Variants in ARHGAP26 observed in about 807,000 individuals in gnomAD.
The protein encoded by ARHGAP26 is rho GTPase-activating protein 26.
ARHGAP26 carries 38 observed loss-of-function variants against 104.8 expected under a neutral mutation model. The ratio of observed to expected loss-of-function variants is 0.36; its 90% CI spans 0.28 to 0.48. The LOEUF is 0.48. ARHGAP26 is among the 20% of genes least tolerant of loss of function. The probability of loss-of-function intolerance (pLI) is 0.99; values close to 1 mark genes in which losing one functional copy is unlikely to be tolerated. For missense variants in ARHGAP26, 704 were observed against 947.9 expected (o/e 0.74, Z 3.38); for synonymous variants, 341 against 340.0 (o/e 1.00, Z -0.03).
intron 12 of ARHGAP26, among the ~76,000 whole-genome samples, chr5:143,035,935 C>CAAAAAAA (rs10713064): frequency 3.8e-5 from 3 of 78,084 alleles, no homozygotes; most frequent in Non-Finnish European, 5.1e-5. Flanking sequence ...GACCTTGTCT[C>CAAAAAAA]AAAAAAAAAA....
intron 13 of ARHGAP26, among the ~76,000 whole-genome samples, chr5:143,038,853 G>A (rs1450314634): frequency 3.3e-5 from 5 of 151,668 alleles, no homozygotes; most frequent in Non-Finnish European, 5.9e-5. Flanking sequence ...ACACCACCAC[G>A]TCCAGCTAAT....
intron 11 of ARHGAP26, among the ~76,000 whole-genome samples, chr5:142,953,008 C>T (rs182799388): frequency 6.6e-6 from 1 of 152,252 alleles, no homozygotes; most frequent in East Asian, 1.9e-4. Flanking sequence ...AGCACCCGGC[C>T]CCAACTGTGC....
At chr5:143,103,001 G>T (rs927934899) in intron 17 of ARHGAP26, among the ~76,000 whole-genome samples, 1 of 151,968 alleles carries the variant, frequency 6.6e-6, no homozygotes, top group Non-Finnish European at 1.5e-5. Context: ...AGCTTCACAG[G>T]GGGGATCTGA....
intron 10 of ARHGAP26, chr5:142,919,199 C>T (rs907678839): frequency 2.5e-6 from 1 of 398,342 alleles, no homozygotes; most frequent in Non-Finnish European, 4.4e-6. Flanking sequence ...TTACCATTGT[C>T]CTTGTAAAAA....
Position 143,153,280 on chromosome 5 carries a change from G to A in ARHGAP26, c.1988+5899G>A, listed in dbSNP as rs145836777. 5.4e-4 allele frequency among the ~76,000 whole-genome samples: 82 copies of A among 152,266 alleles called. 1 individual carries two copies. Among genetic ancestry groups the A allele is most frequent in the African/African-American group, 1.9e-3 (81 of 41,550 alleles). ...GCAGGAAACCCTAGGTTTTAGTTCT[G>A]GCATCGACATTGCCTGGCTGATGAT... On this transcript the variant is annotated intron_variant, in intron 20 of 22. Transcript: ENST00000645722.
chr5:142,932,808 CT>C (rs1764907038), intron 11 of ARHGAP26, among the ~76,000 whole-genome samples: 1 of 152,196 alleles, frequency 6.6e-6, no homozygotes. Context: ...CTATAGAACT[CT>C]TTGCGTCAGG....
chr5:143,003,673 C>A (rs1422534667), intron 11 of ARHGAP26, among the ~76,000 whole-genome samples: 6 of 152,098 alleles, frequency 3.9e-5, no homozygotes, highest in Admixed American at 1.3e-4. Context: ...CTGCAGCCAT[C>A]AAGTAAGTTA....
At chr5:143,071,506 C>T (rs1011320179) in intron 17 of ARHGAP26, among the ~76,000 whole-genome samples, 1 of 152,170 alleles carries the variant, frequency 6.6e-6, no homozygotes, top group Non-Finnish European at 1.5e-5. Flanking sequence ...CAATGTAGGA[C>T]CCAAAACAAT....
intron 11 of ARHGAP26, chr5:142,969,463 T>C (rs900555882): frequency 2.0e-5 from 3 of 152,182 alleles, no homozygotes; most frequent in Non-Finnish European, 2.9e-5. Flanking sequence ...TCTTGGGAAA[T>C]TATTTCCTCC....
chr5:142,826,895 A>G (rs1767399550), intron 1 of ARHGAP26, among the ~76,000 whole-genome samples: 1 of 152,184 alleles, frequency 6.6e-6, no homozygotes, highest in South Asian at 2.1e-4. Context: ...AGGAAGCTTG[A>G]GCAAAAGCCA....
chr5:143,167,482 C>CAAAAAAAA lies in ARHGAP26; in HGVS notation c.1988+20130_1988+20137dup, dbSNP rs6149274. Among the ~76,000 whole-genome samples the CAAAAAAAA allele has an allele frequency of 2.5e-4, 15 of 60,086 alleles. 3 individuals carry two copies. Among genetic ancestry groups the CAAAAAAAA allele is most frequent in the East Asian group, 2.1e-3 (5 of 2,364 alleles). 39.4% of individuals were successfully genotyped at this position (60,086 alleles called of 152,430 possible). ...TGCATGACAGAGCAAGACTCCATCT[C>CAAAAAAAA]AAAAAAAAAAAAAAAAAAAAAAAAA... is the stretch of plus-strand genomic sequence containing the variant. On this transcript the variant is annotated intron_variant, in intron 20 of 22. Coordinates refer to ENST00000645722, the MANE Select transcript of ARHGAP26 (RefSeq NM_001135608.3).
At chr5:143,116,786 A>G (rs900905085) in intron 17 of ARHGAP26, among the ~76,000 whole-genome samples, 3 of 152,138 alleles carry the variant, frequency 2.0e-5, no homozygotes, top group Non-Finnish European at 4.4e-5. Flanking sequence ...TGCCAAGGCC[A>G]TTTTCATGGA....
chr5:143,153,033 T>C (rs1800030607), intron 20 of ARHGAP26, among the ~76,000 whole-genome samples: 1 of 152,198 alleles, frequency 6.6e-6, no homozygotes, highest in Admixed American at 6.5e-5. Flanking sequence ...CGCGGAGTCA[T>C]GGGCAGCTGT....
chr5:143,049,624 C>G (rs1204924673), intron 14 of ARHGAP26, among the ~76,000 whole-genome samples: 1 of 152,072 alleles, frequency 6.6e-6, no homozygotes, highest in African/African-American at 2.4e-5. Flanking sequence ...TTAATCAAAC[C>G]TTTGCTTTTA....
At chr5:142,821,160 A>G (rs894148010) in intron 1 of ARHGAP26, among the ~76,000 whole-genome samples, 1 of 152,104 alleles carries the variant, frequency 6.6e-6, no homozygotes, top group Non-Finnish European at 1.5e-5. Flanking sequence ...AAGGCATCTT[A>G]ACTATGTTTC....
At chr5:142,987,444 G>A (rs1774926260) in intron 11 of ARHGAP26, among the ~76,000 whole-genome samples, 1 of 152,214 alleles carries the variant, frequency 6.6e-6, no homozygotes, top group African/African-American at 2.4e-5. Context: ...TCTGCAAACA[G>A]GGACAATTTG....
chr5:143,043,901 GA>G (rs1783839089), intron 14 of ARHGAP26, among the ~76,000 whole-genome samples: 1 of 152,192 alleles, frequency 6.6e-6, no homozygotes, highest in South Asian at 2.1e-4. Context: ...TCCAATTCAT[GA>G]AGTATTCTGA....
At chr5:143,112,029 C>T (rs558378736) in intron 17 of ARHGAP26, among the ~76,000 whole-genome samples, 7 of 152,290 alleles carry the variant, frequency 4.6e-5, no homozygotes, top group Middle Eastern at 3.4e-3. Context: ...ACACATGATA[C>T]GCAAACTGCT....
At position 143,222,511 on chromosome 5, in the gene ARHGAP26, C is replaced by G. The variant is rs115841406; in HGVS notation, c.*65C>G. The G allele has an allele frequency of 8.3e-4, 1,101 of 1,327,064 alleles. 8 individuals carry two copies. The African/African-American group carries it at 0.015, about 18-fold the overall frequency. The allele number at this position is 1,327,064 out of a possible 1,614,324, so 82.2% of individuals were successfully genotyped here. On this transcript the variant is annotated 3_prime_UTR_variant, in exon 23 of 23. Coordinates refer to ENST00000645722, the MANE Select transcript of ARHGAP26 (RefSeq NM_001135608.3). ...CCATGACAACTGCTGATTCCAGTGT[C>G]GAGGCCATTTCTCTTTGCCACTGAG...
Sources: gnomAD v4.1 joint callset for allele counts (sites outside exome capture counted in the v4.1 genomes callset) on GRCh38, gnomAD v4.1.1 for gene constraint, MANE v1.5 for transcripts, NCBI Gene and HGNC (gene_info 2026-07-23, HGNC 2026-07-21) for gene names.